The following PRKN variants were observed in gnomAD, a reference collection of about 807,000 sequenced individuals.
PRKN encodes E3 ubiquitin-protein ligase parkin.
PRKN carries 56 observed loss-of-function variants against 59.5 expected under a neutral mutation model. That is an observed-to-expected ratio of 0.94 (90% CI 0.76 to 1.18). The LOEUF is 1.18. PRKN is among the 50% of genes most tolerant of loss of function. PRKN has a pLI of 0.00. For synonymous variants in PRKN, 250 were observed against 222.1 expected (o/e 1.13, Z -1.12); for missense variants, 657 against 596.4 (o/e 1.10, Z -1.06).
intron 1 of PRKN, among the ~76,000 whole-genome samples, chr6:162,698,266 G>A (rs1339659989): frequency 1.3e-5 from 2 of 149,988 alleles, no homozygotes; most frequent in African/African-American, 4.9e-5. Context: ...TACTGAGGGT[G>A]GCAATGTGCC....
At chr6:162,349,792 G>A (rs560226836) in intron 2 of PRKN, among the ~76,000 whole-genome samples, 4 of 152,284 alleles carry the variant, frequency 2.6e-5, no homozygotes, top group African/African-American at 9.6e-5. Context: ...GAGGAACACA[G>A]TGAGGATGTC....
intron 4 of PRKN, among the ~76,000 whole-genome samples, chr6:162,106,636 G>C (rs1954924): frequency 1.3e-5 from 2 of 152,176 alleles, no homozygotes; most frequent in East Asian, 1.9e-4. Flanking sequence ...GCACAAATCA[G>C]AAGATTTGCA....
intron 6 of PRKN, among the ~76,000 whole-genome samples, chr6:161,809,331 C>T (rs1020155972): frequency 2.0e-5 from 3 of 151,864 alleles, no homozygotes; most frequent in Non-Finnish European, 2.9e-5. Flanking sequence ...CTTGATCATA[C>T]GAGAAGGTGA....
At chr6:162,281,334 G>A (rs906969685) in intron 2 of PRKN, among the ~76,000 whole-genome samples, 1 of 151,900 alleles carries the variant, frequency 6.6e-6, no homozygotes, top group African/African-American at 2.4e-5. Flanking sequence ...GCTGACGGGT[G>A]CAGCAAACCA....
In PRKN at chr6:161,914,763, C is replaced by T. The variant is rs111897752; in HGVS notation, c.734+58539G>A. Among the ~76,000 whole-genome samples, 345 of 151,868 alleles carry T rather than the reference C, an allele frequency of 2.3e-3. 2 individuals carry two copies. Among genetic ancestry groups the T allele is most frequent in the Non-Finnish European group, 3.8e-3 (259 of 67,990 alleles). On this transcript the variant is annotated intron_variant, in intron 6 of 11. Coordinates refer to ENST00000366898, the MANE Select transcript of PRKN (RefSeq NM_004562.3). ...GAGTGTTTGGAGAAAAAGAAAAGCA[C>T]ATCCCCTGAACTGGCAAGCGATACT... is the stretch of plus-strand genomic sequence containing the variant.
intron 7 of PRKN, among the ~76,000 whole-genome samples, chr6:161,706,339 A>G (rs1202622279): frequency 1.3e-5 from 2 of 152,180 alleles, no homozygotes; most frequent in Non-Finnish European, 2.9e-5. Flanking sequence ...ACCTTTCTGA[A>G]GGAAACTGTC....
At chr6:162,462,982 T>C (rs1791241596) in intron 1 of PRKN, among the ~76,000 whole-genome samples, 1 of 151,990 alleles carries the variant, frequency 6.6e-6, no homozygotes, top group Non-Finnish European at 1.5e-5. Context: ...AAAGCCCAGC[T>C]ACTTGGGAGG....
chr6:162,139,796 A>G (rs754743270), intron 4 of PRKN, among the ~76,000 whole-genome samples: 68 of 152,102 alleles, frequency 4.5e-4, no homozygotes, highest in Non-Finnish European at 3.5e-4. Context: ...AGTTGATCTG[A>G]AATGGCCCAC....
intron 2 of PRKN, among the ~76,000 whole-genome samples, chr6:162,359,591 T>TA (rs34993229): frequency 7.1e-4 from 104 of 146,454 alleles, no homozygotes; most frequent in Middle Eastern, 3.5e-3. Flanking sequence ...CTTTTAAAAT[T>TA]AAAAAAAAAA....
intron 6 of PRKN, among the ~76,000 whole-genome samples, chr6:161,960,524 A>G (rs2128248385): frequency 6.6e-6 from 1 of 152,348 alleles, no homozygotes; most frequent in African/African-American, 2.4e-5. Context: ...CATGTCTATA[A>G]ATAACTCTTG....
Position 161,419,058 on chromosome 6 carries a change from T to C in PRKN, c.1084-32181A>G, listed in dbSNP as rs1199830941. Among the ~76,000 whole-genome samples the C allele has an allele frequency of 6.6e-6, 1 of 152,206 alleles. No individual in the cohort carries two copies. The highest frequency in any genetic ancestry group is 2.4e-5 in the African/African-American group (1 of 41,448). ...GTTGGATGTAAACACATCGTTTACATGAAGGACATGGAATTATAAGTTCAC... is the reference window on the plus strand; with the variant it reads ...GTTGGATGTAAACACATCGTTTACACGAAGGACATGGAATTATAAGTTCAC... On this transcript the variant is annotated intron_variant, in intron 9 of 11. Transcript: ENST00000366898. The surrounding 1 kb of genome is among the most constrained non-coding windows in gnomAD (Gnocchi z 4.1).
intron 6 of PRKN, among the ~76,000 whole-genome samples, chr6:161,900,579 T>C: frequency 1.1e-5 from 1 of 91,652 alleles, no homozygotes; most frequent in South Asian, 4.0e-4. Context: ...TTATGTAATA[T>C]ATTATATATT....
At chr6:162,398,790 G>T (rs1264285092) in intron 2 of PRKN, among the ~76,000 whole-genome samples, 1 of 152,168 alleles carries the variant, frequency 6.6e-6, no homozygotes, top group Non-Finnish European at 1.5e-5. Flanking sequence ...TATATTACAT[G>T]ATGTGGCAAA....
intron 7 of PRKN, chr6:161,783,673 G>A (rs112964526): frequency 3.4e-5 from 17 of 506,638 alleles, no homozygotes; most frequent in African/African-American, 1.9e-4. Context: ...GCTTTGTGAA[G>A]GCAGAAGGCT....
intron 4 of PRKN, among the ~76,000 whole-genome samples, chr6:162,162,820 C>T (rs1340434785): frequency 6.7e-6 from 1 of 148,708 alleles, no homozygotes; most frequent in Non-Finnish European, 1.5e-5. Flanking sequence ...CCAGCCTGGC[C>T]AATATGGTGA....
At chr6:161,807,971 T>C (rs1791405529) in intron 6 of PRKN, among the ~76,000 whole-genome samples, 1 of 152,220 alleles carries the variant, frequency 6.6e-6, no homozygotes, top group African/African-American at 2.4e-5. Context: ...TTTTAATTAA[T>C]TGTGCTGAAG....
rs1043470468 is a variant in PRKN at position 162,166,422 on chromosome 6, T to C, written c.534+34709A>G. 3.9e-5 allele frequency among the ~76,000 whole-genome samples: 6 copies of C among 152,208 alleles called. 1 individual carries two copies. In the South Asian group the frequency reaches 1.2e-3, roughly 32 times the overall value. On this transcript the variant is annotated intron_variant, in intron 4 of 11. Transcript: ENST00000366898. ...TGACCAGGAAGGAGCATGACATCAT[T>C]CTCTGGGGGGTGATAATGCTCTGCA...
intron 6 of PRKN, among the ~76,000 whole-genome samples, chr6:161,906,655 C>CATATATATATATATATATATAT (rs1168847600): frequency 8.8e-5 from 8 of 90,570 alleles, no homozygotes; most frequent in African/African-American, 4.0e-4. Flanking sequence ...TCTAATAGAA[C>CATATATATATATATATATATAT]ATACATATAT....
At chr6:162,088,943 C>T (rs1260994709) in intron 4 of PRKN, among the ~76,000 whole-genome samples, 1 of 152,134 alleles carries the variant, frequency 6.6e-6, no homozygotes, top group Non-Finnish European at 1.5e-5. Context: ...GCAAGGGATA[C>T]AACTATAACA....
Sources: gnomAD v4.1 joint callset for allele counts (sites outside exome capture counted in the v4.1 genomes callset) on GRCh38, gnomAD v4.1.1 for gene constraint, Gnocchi (gnomAD v3.1) non-coding constraint, MANE v1.5 for transcripts, NCBI Gene and HGNC (gene_info 2026-07-23, HGNC 2026-07-21) for gene names.